The following RGPD2 variants were observed in gnomAD, a reference collection of about 807,000 sequenced individuals.
The protein encoded by RGPD2 is RANBP2 like and GRIP domain containing 2, also known as RANBP2-like and GRIP domain-containing protein 2.
In RGPD2, 2 loss-of-function variants were observed where a neutral mutation model predicts 36.0. That is an observed-to-expected ratio of 0.06 (90% CI 0.02 to 0.17). The LOEUF is 0.17. Ranked by LOEUF, RGPD2 falls within the 10% of genes least tolerant of loss-of-function variation. RGPD2 has a pLI of 1.00. For synonymous variants in RGPD2, 19 were observed against 163.8 expected, an observed-to-expected ratio of 0.12 and a Z score of 6.75; for missense variants, 40 against 464.3, an observed-to-expected ratio of 0.09 and a Z score of 8.40.
chr2:87,846,549 C>A, the RGPD2 span, among the ~76,000 whole-genome samples: 2 of 152,102 alleles, frequency 1.3e-5, no homozygotes, highest in East Asian at 3.9e-4. Flanking sequence ...ATAAATATTT[C>A]TCAACAATTT....
the RGPD2 span, among the ~76,000 whole-genome samples, chr2:87,876,967 G>A: frequency 6.6e-6 from 1 of 152,344 alleles, no homozygotes; most frequent in African/African-American, 2.4e-5. Flanking sequence ...ACCCTTCATT[G>A]TCTTTTTTTT....
chr2:87,896,856 G>GT, the RGPD2 span, among the ~76,000 whole-genome samples: 9 of 132,442 alleles, frequency 6.8e-5, no homozygotes, highest in Non-Finnish European at 1.1e-4. Flanking sequence ...ACCGCAGTAT[G>GT]TAACAAGTCT....
chr2:87,809,247 G>C (rs1469031611), intron 6 of RGPD2, among the ~76,000 whole-genome samples: 3 of 151,794 alleles, frequency 2.0e-5, no homozygotes, highest in African/African-American at 7.3e-5. Context: ...AGAGCTTGCA[G>C]TGAGCCGAGA....
At chr2:87,883,867 C>T in the RGPD2 span, among the ~76,000 whole-genome samples, 1 of 151,650 alleles carries the variant, frequency 6.6e-6, no homozygotes, top group Non-Finnish European at 1.5e-5. Context: ...CAACACTCCA[C>T]TTTCAGCAAC....
chr2:87,826,941 A>G (rs865811494), upstream of RGPD2, among the ~76,000 whole-genome samples: 465 of 128,702 alleles, frequency 3.6e-3, 1 homozygote, highest in Middle Eastern at 0.08. Flanking sequence ...TGTTCATTCT[A>G]ATGCTGAATA....
chr2:87,897,753 G>A, the RGPD2 span, among the ~76,000 whole-genome samples: 1 of 151,226 alleles, frequency 6.6e-6, no homozygotes, highest in Admixed American at 6.6e-5. Context: ...GTGTTAGTTT[G>A]CTGAGAATAA....
chr2:87,973,286 G>A, the RGPD2 span, among the ~76,000 whole-genome samples: 17 of 145,450 alleles, frequency 1.2e-4, no homozygotes, highest in South Asian at 4.6e-4. Flanking sequence ...TGCCGCTATC[G>A]CCGTTTAACT....
At chr2:87,922,315 A>C in the RGPD2 span, among the ~76,000 whole-genome samples, 32 of 149,042 alleles carry the variant, frequency 2.1e-4, no homozygotes, top group South Asian at 1.3e-3. Context: ...AAAAAAAAAA[A>C]CCAAAAAAGT....
the RGPD2 span, among the ~76,000 whole-genome samples, chr2:87,961,475 C>T: frequency 6.6e-6 from 1 of 151,580 alleles, no homozygotes; most frequent in African/African-American, 2.4e-5. Flanking sequence ...CCGAGGCGGG[C>T]GGATCACCTG....
the RGPD2 span, among the ~76,000 whole-genome samples, chr2:87,832,140 A>G: frequency 6.7e-6 from 1 of 149,168 alleles, no homozygotes; most frequent in Non-Finnish European, 1.5e-5. Context: ...TAACCTAAAG[A>G]TGTTAATAAA....
At chr2:87,857,428 T>C in the RGPD2 span, among the ~76,000 whole-genome samples, 53 of 151,608 alleles carry the variant, frequency 3.5e-4, no homozygotes, top group Non-Finnish European at 4.7e-4. Flanking sequence ...CTGAAAGCTC[T>C]GCCTCCCAGG....
the RGPD2 span, among the ~76,000 whole-genome samples, chr2:87,869,951 C>G: frequency 4.6e-4 from 70 of 151,782 alleles, no homozygotes; most frequent in African/African-American, 1.6e-3. Flanking sequence ...TGATTTGTTT[C>G]TTTTCTGTTT....
chr2:87,977,729 T>G, the RGPD2 span, among the ~76,000 whole-genome samples: 2 of 152,078 alleles, frequency 1.3e-5, no homozygotes, highest in Non-Finnish European at 2.9e-5. Flanking sequence ...TATTTTAATT[T>G]GTATTAAATC....
the RGPD2 span, among the ~76,000 whole-genome samples, chr2:87,841,621 T>C: frequency 6.6e-6 from 1 of 151,892 alleles, no homozygotes; most frequent in African/African-American, 2.4e-5. Flanking sequence ...AGTCGAATTC[T>C]ACCAGAGGTA....
At chr2:87,876,442 A>C in the RGPD2 span, among the ~76,000 whole-genome samples, 1 of 152,180 alleles carries the variant, frequency 6.6e-6, no homozygotes, top group Non-Finnish European at 1.5e-5. Context: ...TATCCTCATT[A>C]GTTTCAAATA....
At chr2:87,927,831 A>G in the RGPD2 span, among the ~76,000 whole-genome samples, 2 of 150,388 alleles carry the variant, frequency 1.3e-5, no homozygotes, top group Admixed American at 1.3e-4. Context: ...AGCCTTGTCC[A>G]TTCCAATAGG....
chr2:87,911,028 GGAACTTGATTCT>G, the RGPD2 span, among the ~76,000 whole-genome samples: 1 of 147,046 alleles, frequency 6.8e-6, no homozygotes, highest in African/African-American at 2.5e-5. Flanking sequence ...TAGACACAGA[GGAACTTGATTCT>G]AGTTCTGATT....
the RGPD2 span, among the ~76,000 whole-genome samples, chr2:87,971,707 G>T: frequency 1.5e-4 from 22 of 151,478 alleles, no homozygotes; most frequent in East Asian, 4.3e-3. Flanking sequence ...TTATTTATTT[G>T]CCATTCAAGA....
At chr2:87,866,640 C>T in the RGPD2 span, among the ~76,000 whole-genome samples, 1 of 152,264 alleles carries the variant, frequency 6.6e-6, no homozygotes, top group Non-Finnish European at 1.5e-5. Context: ...CATGGTGGCT[C>T]CCCTTCTCAC....
Sources: allele counts gnomAD v4.1 joint callset (sites outside exome capture counted in the v4.1 genomes callset), GRCh38; gene constraint gnomAD v4.1.1; transcripts MANE v1.5; gene names NCBI Gene and HGNC (gene_info 2026-07-23, HGNC 2026-07-21).